RPL27A: variants seen among roughly 807,000 people sequenced by gnomAD.
RPL27A encodes the protein large ribosomal subunit protein uL15.
For synonymous variants in RPL27A, 69 were observed against 68.3 expected, an observed-to-expected ratio of 1.01 and a Z score of -0.05; for missense variants, 118 against 189.4, an observed-to-expected ratio of 0.62 and a Z score of 2.21.
intron 1 of RPL27A, 178 bp from the exon 2 acceptor site, chr11:8,683,024 G>A (rs931330037): frequency 5.9e-6 from 5 of 844,372 alleles, no homozygotes; most frequent in Admixed American, 2.8e-5. Context: ...AGGACACGCG[G>A]GCCCCTGCGC....
chr11:8,683,049 C>T lies in RPL27A; in HGVS notation c.4-153C>T, dbSNP rs368350670. The T allele has an allele frequency of 2.1e-4, 188 of 886,652 alleles. 4 individuals are homozygous for T. The South Asian group carries it at 2.9e-3, about 14-fold the overall frequency. 54.9% of individuals were successfully genotyped at this position (886,652 alleles called of 1,614,324 possible). On this transcript the variant is annotated intron_variant, in intron 1 of 4. Transcript: ENST00000314138. ...GGCCCCTGCGCTACCGTGGTGAGAC[C>T]TCACGGCCCTGAGCGGATCGGTACC...
rs2133622846 is a variant in RPL27A, at chr11:8,689,784, C to CT, written c.*3979dup. The CT allele has an allele frequency of 6.6e-6, 1 of 152,276 alleles. No individual in the cohort carries two copies. Among genetic ancestry groups the CT allele is most frequent in the East Asian group, 1.9e-4 (1 of 5,192 alleles). 9.4% of individuals were successfully genotyped at this position (152,276 alleles called of 1,614,324 possible). On this transcript the variant is annotated 3_prime_UTR_variant, in exon 5 of 5. Coordinates refer to ENST00000314138, the MANE Select transcript of RPL27A (RefSeq NM_000990.5). ...CCCACTTTACGTTGTTTCAAATAAC[C>CT]TAGTTTGTGTATCCCTGTAAGTCAT...
At chr11:8,684,572 G>C in intron 3 of RPL27A, 146 bp from the exon 4 acceptor site, 1 of 729,750 alleles carries the variant, frequency 1.4e-6, no homozygotes, top group East Asian at 2.5e-5. Flanking sequence ...TAAAACAGTT[G>C]TTTAAGTCAA....
Position 8,687,735 on chromosome 11 carries a change from TCTC to T in RPL27A, c.*1932_*1934del, listed in dbSNP as rs1415898396. ...GCTCCGCCTCCTAGGTTCAGACCAT[TCTC>T]CTGCCTCAGCTTCCCAAGTAGCTGG... On this transcript the variant is annotated 3_prime_UTR_variant, in exon 5 of 5. Coordinates refer to ENST00000314138, the MANE Select transcript of RPL27A (RefSeq NM_000990.5). 21 of 152,180 alleles carry T rather than the reference TCTC, an allele frequency of 1.4e-4. No individual in the cohort carries two copies. Among genetic ancestry groups the T allele is most frequent in the African/African-American group, 4.6e-4 (19 of 41,442 alleles). The allele number at this position is 152,180 out of a possible 1,614,324, so 9.4% of individuals were successfully genotyped here. A position where few individuals can be genotyped will look rare whatever the true frequency, so the allele number is the denominator to read the frequency against.
Position 8,686,645 on chromosome 11 carries a change from C to T in RPL27A, c.*839C>T, listed in dbSNP as rs1322821220. 2.0e-5 allele frequency: 3 copies of T among 152,126 alleles called. No individual in the cohort carries two copies. Among genetic ancestry groups the T allele is most frequent in the African/African-American group, 7.2e-5 (3 of 41,434 alleles). 9.4% of individuals were successfully genotyped at this position (152,126 alleles called of 1,614,324 possible). Reference sequence around the variant, plus strand: ...AGTATGCCAGGGCTTTTCTGTATGTCAAAGTGGGTTTGAAATAGTTAATTT... The same window carrying T: ...AGTATGCCAGGGCTTTTCTGTATGTTAAAGTGGGTTTGAAATAGTTAATTT... On this transcript the variant is annotated 3_prime_UTR_variant, in exon 5 of 5. Coordinates refer to ENST00000314138, the MANE Select transcript of RPL27A (RefSeq NM_000990.5).
rs1049133562 is a variant in RPL27A, at chr11:8,689,709, A to G, written c.*3903A>G. ...AGCAAGAATATAGGTTAAAGCGTAA[A>G]TTTAATTCCTGGCTCTATTTTACAT... On this transcript the variant is annotated 3_prime_UTR_variant, in exon 5 of 5. Transcript: ENST00000314138. 5 of 152,216 alleles carry G rather than the reference A, an allele frequency of 3.3e-5. No homozygotes were observed. Among genetic ancestry groups the G allele is most frequent in the Non-Finnish European group, 5.9e-5 (4 of 68,044 alleles). The allele number at this position is 152,216 out of a possible 1,614,324, so 9.4% of individuals were successfully genotyped here.
chr11:8,683,884 G>C, intron 2 of RPL27A, 122 bp from the exon 3 acceptor site: 3 of 786,840 alleles, frequency 3.8e-6, no homozygotes, highest in Non-Finnish European at 6.8e-6. Context: ...GTTTCTCCGT[G>C]TTGGCCAGGC....
chr11:8,686,733 G>C lies in RPL27A; in HGVS notation c.*927G>C, dbSNP rs1246031836. The stretch of plus-strand genomic sequence containing the variant: ...TCCTGAAGGCTGGAAATTGAAATAA[G>C]TTTTTCTAGGATTTGTGTCTCTTGC... On this transcript the variant is annotated 3_prime_UTR_variant, in exon 5 of 5. Coordinates refer to ENST00000314138, the MANE Select transcript of RPL27A (RefSeq NM_000990.5). The C allele has an allele frequency of 2.0e-5, 3 of 152,114 alleles. No individual in the cohort carries two copies. Among genetic ancestry groups the C allele is most frequent in the South Asian group, 2.1e-4 (1 of 4,830 alleles). 9.4% of individuals were successfully genotyped at this position (152,114 alleles called of 1,614,324 possible). A position where few individuals can be genotyped will look rare whatever the true frequency, so the allele number is the denominator to read the frequency against.
intron 4 of RPL27A, 180 bp from the exon 5 acceptor site, chr11:8,685,498 G>A (rs774927968): frequency 9.2e-6 from 7 of 757,268 alleles, no homozygotes; most frequent in African/African-American, 8.5e-5. Context: ...AGTACTCGAA[G>A]AGAATCTACT....
In RPL27A at chr11:8,683,159, C is replaced by A; in HGVS notation, c.4-43C>A. On this transcript the variant is annotated intron_variant, in intron 1 of 4. Transcript: ENST00000314138. Reference sequence around the variant, plus strand: ...CTCGGCTGGCGGGCATCGCCCCCTGCCCCTAATTCCTTAGGCCTTACCACC... The same window carrying A: ...CTCGGCTGGCGGGCATCGCCCCCTGACCCTAATTCCTTAGGCCTTACCACC... 5.0e-6 allele frequency: 8 copies of A among 1,590,232 alleles called. No homozygotes were observed. The Admixed American group carries it at 1.2e-4, about 23-fold the overall frequency.
chr11:8,687,048 G>A lies in RPL27A; in HGVS notation c.*1242G>A, dbSNP rs2039593176. The A allele has an allele frequency of 6.6e-6, 1 of 152,188 alleles. No homozygotes were observed. Among genetic ancestry groups the A allele is most frequent in the East Asian group, 1.9e-4 (1 of 5,204 alleles). 9.4% of individuals were successfully genotyped at this position (152,188 alleles called of 1,614,324 possible). On this transcript the variant is annotated 3_prime_UTR_variant, in exon 5 of 5. Transcript: ENST00000314138. ...TTTAGAGGATGTTGGGGATCAAATA[G>A]AAGGCACAGAGAAGCACTGAATTGG... is the stretch of plus-strand genomic sequence containing the variant.
chr11:8,683,079 G>A (rs1273983648), intron 1 of RPL27A, 123 bp from the exon 2 acceptor site: 1 of 1,099,010 alleles, frequency 9.1e-7, no homozygotes, highest in Admixed American at 1.9e-5. Context: ...GGTACCCTCA[G>A]CTTTCCCAAA....
At chr11:8,683,413 G>C (rs1356339044) in intron 2 of RPL27A, 148 bp downstream of exon 2, 1 of 671,578 alleles carries the variant, frequency 1.5e-6, no homozygotes, top group Non-Finnish European at 2.6e-6. Flanking sequence ...CGATCCTCTA[G>C]TATTCCAGTT....
In RPL27A at chr11:8,689,629, T is replaced by C. The variant is rs975743446; in HGVS notation, c.*3823T>C. On this transcript the variant is annotated 3_prime_UTR_variant, in exon 5 of 5. Coordinates refer to ENST00000314138, the MANE Select transcript of RPL27A (RefSeq NM_000990.5). Reference sequence around the variant, plus strand: ...ACCTCCACAGGCAAATAAATTTGTTTTGGAATGCATACCACATCATCTGGC... The same window carrying C: ...ACCTCCACAGGCAAATAAATTTGTTCTGGAATGCATACCACATCATCTGGC... 6.6e-6 allele frequency: 1 copy of C among 152,220 alleles called. No individual in the cohort carries two copies. Among genetic ancestry groups the C allele is most frequent in the African/African-American group, 2.4e-5 (1 of 41,462 alleles). The allele number at this position is 152,220 out of a possible 1,614,324, so 9.4% of individuals were successfully genotyped here. A position where few individuals can be genotyped will look rare whatever the true frequency, so the allele number is the denominator to read the frequency against.
At position 8,685,785 on chromosome 11, in the gene RPL27A, G is replaced by T. The variant is rs561399163; in HGVS notation, c.426G>T (p.Gly142=). 1 of 1,613,900 alleles carries T rather than the reference G, an allele frequency of 6.2e-7. No individual in the cohort carries two copies. Among genetic ancestry groups the T allele is most frequent in the Non-Finnish European group, 8.5e-7 (1 of 1,179,854 alleles). The stretch of plus-strand genomic sequence containing the variant: ...AGGAGAAGATTAAGAGTGTTGGGGG[G>T]GCCTGTGTCCTGGTGGCTTGAAGCC... ...RAEEKIKSVG[G]ACVLVA The change falls in exon 5 of 5, where the codon GGG becomes GGT. Residue 142 remains glycine (G), a synonymous_variant. Coordinates refer to ENST00000314138, the MANE Select transcript of RPL27A (RefSeq NM_000990.5).
intron 4 of RPL27A, 92 bp from the exon 5 acceptor site, chr11:8,685,585 AT>A: frequency 7.1e-7 from 1 of 1,403,666 alleles, no homozygotes; most frequent in Non-Finnish European, 1.0e-6. Flanking sequence ...CTGCCTAGGG[AT>A]TTAGAAAGTG....
In RPL27A at chr11:8,686,376, G is replaced by A. The variant is rs2039586979; in HGVS notation, c.*570G>A. The A allele has an allele frequency of 1.3e-5, 2 of 152,568 alleles. No individual in the cohort carries two copies. The highest frequency in any genetic ancestry group is 2.9e-5 in the Non-Finnish European group (2 of 68,406). 9.5% of individuals were successfully genotyped at this position (152,568 alleles called of 1,614,324 possible). Reference sequence around the variant, plus strand: ...TTCCTGACTAACTGGGATTACAGGCGCCCACCACCATGCCCAGCTAATTTT... The same window carrying A: ...TTCCTGACTAACTGGGATTACAGGCACCCACCACCATGCCCAGCTAATTTT... On this transcript the variant is annotated 3_prime_UTR_variant, in exon 5 of 5. Transcript: ENST00000314138.
intron 4 of RPL27A, 153 bp downstream of exon 4, chr11:8,685,045 G>A (rs147172896): frequency 3.9e-5 from 30 of 766,916 alleles, no homozygotes; most frequent in African/African-American, 1.2e-4. Flanking sequence ...TTCCCTATCC[G>A]TAGCAGTGCC....
At chr11:8,683,894 C>G (rs1201894472) in intron 2 of RPL27A, 112 bp from the exon 3 acceptor site, 1 of 819,936 alleles carries the variant, frequency 1.2e-6, no homozygotes, top group East Asian at 2.4e-5. Context: ...GTTGGCCAGG[C>G]TGGTCTCGAA....
Sources: gnomAD v4.1 joint callset for allele counts on GRCh38, gnomAD v4.1.1 for gene constraint, MANE v1.5 for transcripts, NCBI Gene and HGNC (gene_info 2026-07-23, HGNC 2026-07-21) for gene names.